The following SETD2 variants were observed in gnomAD, a reference collection of about 807,000 sequenced individuals.
SETD2 encodes histone-lysine N-methyltransferase SETD2.
A neutral mutation model predicts 242.1 loss-of-function variants in SETD2; 31 were observed. The observed-to-expected ratio is 0.13, with a 90% CI of 0.10 to 0.17. The LOEUF (loss-of-function observed/expected upper bound fraction) is 0.17, where lower values mean the gene tolerates loss of function less well. Among genes scored for constraint, SETD2 ranks in the 10% least tolerant of loss-of-function variants. The pLI, the probability that SETD2 is intolerant of heterozygous loss-of-function variation, is 1.00. For missense variants in SETD2, 2,481 were observed against 3,046.3 expected (o/e 0.81, Z 4.37); for synonymous variants, 1,006 against 1,066.5 (o/e 0.94, Z 1.11).
intron 17 of SETD2, among the ~76,000 whole-genome samples, chr3:47,041,127 G>A (rs767276152): frequency 6.6e-6 from 1 of 152,158 alleles, no homozygotes; most frequent in Non-Finnish European, 1.5e-5. Context: ...ATACAATAGA[G>A]CAGGGGTTGG....
In SETD2 at chr3:47,094,785, T is replaced by C. The variant is rs144181144; in HGVS notation, c.5142+3170A>G. ...CAAAGTTTCATATAAAACATCATTG[T>C]TCCGGAATAACTTCAAATTCATATC... On this transcript the variant is annotated intron_variant, in intron 9 of 20. Transcript: ENST00000409792. 4.4e-3 allele frequency among the ~76,000 whole-genome samples: 663 copies of C among 152,320 alleles called. 8 individuals are homozygous for C. Among genetic ancestry groups the C allele is most frequent in the African/African-American group, 0.015 (631 of 41,570 alleles).
At chr3:47,021,335 G>T (rs1466567011) in intron 18 of SETD2, among the ~76,000 whole-genome samples, 1 of 152,168 alleles carries the variant, frequency 6.6e-6, no homozygotes, top group Admixed American at 6.5e-5. Flanking sequence ...TCCTATAGAA[G>T]AGGCCATGCT....
rs976218064 is a variant in SETD2, at chr3:47,120,785, T to A, written c.3851A>T (p.His1284Leu). 1.9e-6 allele frequency: 3 copies of A among 1,614,116 alleles called. No individual in the cohort carries two copies. Among genetic ancestry groups the A allele is most frequent in the Admixed American group, 3.3e-5 (2 of 60,008 alleles). Residue 1284 changes from histidine to leucine, a missense_variant, in exon 3 of 21, where the codon CAC (histidine) becomes CTC (leucine). Transcript: ENST00000409792. ...PDSSYGACGG[H>L]KYQQNAEQYG... Reference sequence around the variant, plus strand: ...CTGTTCTGCATTTTGCTGATACTTGTGTCCACCACAAGCTCCATAGCTACT... The same window carrying A: ...CTGTTCTGCATTTTGCTGATACTTGAGTCCACCACAAGCTCCATAGCTACT...
At chr3:47,118,368 A>G (rs1408110464) in intron 3 of SETD2, among the ~76,000 whole-genome samples, 2 of 152,144 alleles carry the variant, frequency 1.3e-5, no homozygotes, top group African/African-American at 2.4e-5. Flanking sequence ...ATTATTTTTT[A>G]TAAGAGTTTG....
intron 1 of SETD2, among the ~76,000 whole-genome samples, chr3:47,139,024 T>C (rs1444060250): frequency 2.0e-5 from 3 of 152,204 alleles, no homozygotes; most frequent in African/African-American, 4.8e-5. Flanking sequence ...TGGAGTGCTA[T>C]GGCACGATCA....
chr3:47,039,517 CTT>C (rs1359267238), intron 17 of SETD2, among the ~76,000 whole-genome samples: 1 of 151,578 alleles, frequency 6.6e-6, no homozygotes, highest in Non-Finnish European at 1.5e-5. Flanking sequence ...CCGGCCCAAA[CTT>C]TTTTTATTTT....
rs368299566 is a variant in SETD2, at chr3:47,058,589, A to T, written c.6294-1099T>A. 7.4e-4 allele frequency among the ~76,000 whole-genome samples: 112 copies of T among 151,490 alleles called. 2 individuals carry two copies. The highest frequency in any genetic ancestry group is 2.5e-3 in the African/African-American group (104 of 41,304). On this transcript the variant is annotated intron_variant, in intron 14 of 20. Coordinates refer to ENST00000409792, the MANE Select transcript of SETD2 (RefSeq NM_014159.7). ...GAATACAATGGACTACTCAGCAATTAAAAAAAAACCTACCGAGACACAAAA... is the reference window on the plus strand; with the variant it reads ...GAATACAATGGACTACTCAGCAATTTAAAAAAAACCTACCGAGACACAAAA...
At chr3:47,118,792 TAAAG>T (rs2042962120) in intron 3 of SETD2, among the ~76,000 whole-genome samples, 1 of 152,108 alleles carries the variant, frequency 6.6e-6, no homozygotes. Flanking sequence ...TTCTCAATGC[TAAAG>T]AAAAGTCAGA....
At chr3:47,159,108 T>TA (rs201322024) in intron 1 of SETD2, among the ~76,000 whole-genome samples, 3,108 of 149,516 alleles carry the variant, frequency 0.021, 58 homozygotes, top group South Asian at 0.055. Context: ...GATTCCATCT[T>TA]AAAAAAAAAA....
In SETD2 at chr3:47,062,333, T is replaced by A. The variant is rs1196717599; in HGVS notation, c.6123A>T (p.Gly2041=). 2.5e-6 allele frequency: 4 copies of A among 1,601,134 alleles called. No homozygotes were observed. The highest frequency in any genetic ancestry group is 3.4e-6 in the Non-Finnish European group (4 of 1,175,726). The change falls in exon 14 of 21, where the codon GGA becomes GGT. Residue 2041 remains glycine (G), a synonymous_variant. Transcript: ENST00000409792. ...GATCTCTGAAGCCAACAGCATCCCTTCCTCGTTCAGTTGCTAAGGGAAAAG... is the reference window on the plus strand; with the variant it reads ...GATCTCTGAAGCCAACAGCATCCCTACCTCGTTCAGTTGCTAAGGGAAAAG... ...TEKENTTTER[G]RDAVGFRDQT...
intron 12 of SETD2, among the ~76,000 whole-genome samples, chr3:47,082,747 C>T (rs1406180282): frequency 6.6e-6 from 1 of 152,158 alleles, no homozygotes; most frequent in Non-Finnish European, 1.5e-5. Flanking sequence ...AATGAGGAAG[C>T]ATAGTACACA....
At chr3:47,112,818 G>A (rs554024057) in intron 5 of SETD2, among the ~76,000 whole-genome samples, 3 of 152,258 alleles carry the variant, frequency 2.0e-5, no homozygotes, top group South Asian at 2.1e-4. Flanking sequence ...TCGAACTCCC[G>A]ACTTCAGGTG....
intron 5 of SETD2, among the ~76,000 whole-genome samples, chr3:47,109,040 G>A (rs535240283): frequency 5.3e-5 from 8 of 152,194 alleles, no homozygotes; most frequent in East Asian, 1.9e-4. Flanking sequence ...TGGCTGAATA[G>A]GGTCACTTCA....
At chr3:47,147,297 G>C (rs2043878382) in intron 1 of SETD2, among the ~76,000 whole-genome samples, 1 of 147,762 alleles carries the variant, frequency 6.8e-6, no homozygotes, top group Non-Finnish European at 1.5e-5. Flanking sequence ...ACAGGCGTGA[G>C]CCACCAAGCC....
At chr3:47,022,193 TCACACA>T (rs55972218) in intron 18 of SETD2, among the ~76,000 whole-genome samples, 301 of 131,020 alleles carry the variant, frequency 2.3e-3, no homozygotes, top group South Asian at 8.1e-3. Flanking sequence ...CAACAATCTG[TCACACA>T]CACACACACA....
chr3:47,030,104 G>A (rs1484482973), intron 18 of SETD2, among the ~76,000 whole-genome samples: 2 of 151,506 alleles, frequency 1.3e-5, no homozygotes, highest in Admixed American at 6.6e-5. Context: ...AGCCGAGATC[G>A]CACCACCGAA....
At chr3:47,083,084 T>A (rs1303159777) in intron 12 of SETD2, among the ~76,000 whole-genome samples, 1 of 152,188 alleles carries the variant, frequency 6.6e-6, no homozygotes, top group Non-Finnish European at 1.5e-5. Context: ...TATCCAAGAC[T>A]CAGTCTGGGT....
Position 47,123,309 on chromosome 3 carries a change from T to C in SETD2, c.1327A>G (p.Arg443Gly), listed in dbSNP as rs2106700627. The C allele has an allele frequency of 6.4e-7, 1 of 1,551,776 alleles. No individual in the cohort carries two copies. Among genetic ancestry groups the C allele is most frequent in the Non-Finnish European group, 8.7e-7 (1 of 1,147,004 alleles). The change falls in exon 3 of 21, where the codon AGG (arginine) becomes GGG (glycine). Residue 443 changes from arginine to glycine, a missense_variant. Arg to Gly is a moderately radical substitution (Grantham distance 125). Transcript: ENST00000409792. The part of the protein sequence containing the change: ...RYHRSSPYRE[R>G]TRYSRPYTDN... ...GTGTATGGCCGAGAATAGCGCGTCCTCTCTCGATAAGGGGAGCTCCTATGG... is the reference window on the plus strand; with the variant it reads ...GTGTATGGCCGAGAATAGCGCGTCCCCTCTCGATAAGGGGAGCTCCTATGG...
At chr3:47,116,243 G>C (rs1400094397) in intron 4 of SETD2, among the ~76,000 whole-genome samples, 1 of 152,158 alleles carries the variant, frequency 6.6e-6, no homozygotes, top group African/African-American at 2.4e-5. Flanking sequence ...ATGTTTGGGA[G>C]AAGACATTCA....
Sources: allele counts gnomAD v4.1 joint callset (sites outside exome capture counted in the v4.1 genomes callset), GRCh38; gene constraint gnomAD v4.1.1; transcripts MANE v1.5; gene names NCBI Gene and HGNC (gene_info 2026-07-23, HGNC 2026-07-21).